Variants in SGCZ observed in about 807,000 individuals in gnomAD.
SGCZ encodes zeta-sarcoglycan.
A neutral mutation model predicts 41.3 loss-of-function variants in SGCZ; 40 were observed. That is an observed-to-expected ratio of 0.97 (90% CI 0.75 to 1.26). The LOEUF is 1.26. Ranked by LOEUF, SGCZ falls within the 50% of genes most tolerant of loss-of-function variation. The pLI, the probability that SGCZ is intolerant of heterozygous loss-of-function variation, is 0.00. For missense variants in SGCZ, 552 were observed against 369.8 expected (o/e 1.49, Z -4.04); for synonymous variants, 206 against 137.5 (o/e 1.50, Z -3.49).
At chr8:14,664,990 G>A (rs1219019756) in intron 1 of SGCZ, among the ~76,000 whole-genome samples, 2 of 152,104 alleles carry the variant, frequency 1.3e-5, no homozygotes, top group African/African-American at 2.4e-5. Flanking sequence ...TGAATTTTTA[G>A]GTGGGGGAAT....
At chr8:15,132,151 TAC>T (rs1254358867) in intron 1 of SGCZ, among the ~76,000 whole-genome samples, 7 of 152,192 alleles carry the variant, frequency 4.6e-5, no homozygotes, top group Admixed American at 3.3e-4. Context: ...ATTTTTTTCA[TAC>T]AGTTTCTTTC....
intron 1 of SGCZ, among the ~76,000 whole-genome samples, chr8:15,031,846 G>A (rs979734031): frequency 1.3e-5 from 2 of 151,312 alleles, no homozygotes; most frequent in Non-Finnish European, 2.9e-5. Flanking sequence ...CAGTCGGCCA[G>A]CGCTATTTTC....
At position 14,674,183 on chromosome 8, in the gene SGCZ, A is replaced by G. The variant is rs963976023; in HGVS notation, c.40-119257T>C. On this transcript the variant is annotated intron_variant, in intron 1 of 7. Coordinates refer to ENST00000382080, the MANE Select transcript of SGCZ (RefSeq NM_139167.4). ...TGTTAGCTTAGCTAATTTTTAAAAG[A>G]AAAGTAAGAATCCCTTTTTCTTGTT... is the stretch of plus-strand genomic sequence containing the variant. 4.6e-5 allele frequency among the ~76,000 whole-genome samples: 7 copies of G among 152,150 alleles called. No homozygotes were observed. In the East Asian group the frequency reaches 9.6e-4, roughly 21 times the overall value.
intron 1 of SGCZ, among the ~76,000 whole-genome samples, chr8:14,943,430 A>T (rs1364849942): frequency 6.6e-6 from 1 of 152,046 alleles, no homozygotes; most frequent in Non-Finnish European, 1.5e-5. Context: ...TAAAATGTTG[A>T]CTCTTTGGAT....
intron 2 of SGCZ, among the ~76,000 whole-genome samples, chr8:14,504,401 A>G (rs1802243981): frequency 6.6e-6 from 1 of 152,236 alleles, no homozygotes; most frequent in Admixed American, 6.5e-5. Flanking sequence ...ATAAAACCAC[A>G]GCATGATGGA....
intron 1 of SGCZ, among the ~76,000 whole-genome samples, chr8:15,022,195 C>T (rs1338242413): frequency 1.3e-5 from 2 of 152,054 alleles, no homozygotes; most frequent in Admixed American, 1.3e-4. Context: ...TTTATTTATA[C>T]TTTCATTTTG....
At chr8:14,287,502 G>T (rs1053310546) in intron 3 of SGCZ, among the ~76,000 whole-genome samples, 2 of 151,910 alleles carry the variant, frequency 1.3e-5, no homozygotes, top group African/African-American at 4.8e-5. Flanking sequence ...AATGAGTTTG[G>T]TCTCTAACTC....
At chr8:14,638,724 T>C (rs1400359686) in intron 1 of SGCZ, among the ~76,000 whole-genome samples, 2 of 151,820 alleles carry the variant, frequency 1.3e-5, no homozygotes, top group East Asian at 1.9e-4. Context: ...CCACCCATTG[T>C]AGAGAAGTGA....
At chr8:14,705,394 T>A (rs1809301743) in intron 1 of SGCZ, among the ~76,000 whole-genome samples, 2 of 152,024 alleles carry the variant, frequency 1.3e-5, no homozygotes, top group African/African-American at 4.8e-5. Flanking sequence ...TATGTGACTA[T>A]AATCAAATTA....
At chr8:14,614,893 A>T (rs1806046688) in intron 1 of SGCZ, among the ~76,000 whole-genome samples, 1 of 152,158 alleles carries the variant, frequency 6.6e-6, no homozygotes, top group Non-Finnish European at 1.5e-5. Flanking sequence ...TGACCCAAGC[A>T]TGACATGTTT....
chr8:14,257,497 T>A (rs113446940), intron 3 of SGCZ, among the ~76,000 whole-genome samples: 14 of 147,070 alleles, frequency 9.5e-5, no homozygotes, highest in Admixed American at 7.5e-4. Context: ...AATTTTTTTT[T>A]TATACTTTTA....
chr8:14,634,088 T>C (rs189522981), intron 1 of SGCZ, among the ~76,000 whole-genome samples: 2 of 151,958 alleles, frequency 1.3e-5, no homozygotes, highest in East Asian at 3.9e-4. Flanking sequence ...TATATAATTT[T>C]CAGTTTAAAG....
intron 1 of SGCZ, among the ~76,000 whole-genome samples, chr8:14,707,607 T>G (rs1809373867): frequency 6.6e-6 from 1 of 152,160 alleles, no homozygotes. Flanking sequence ...TCAGAATGAG[T>G]ACAACAAAGA....
intron 4 of SGCZ, among the ~76,000 whole-genome samples, chr8:14,196,489 T>G (rs528772912): frequency 6.6e-6 from 1 of 152,290 alleles, no homozygotes; most frequent in Admixed American, 6.5e-5. Context: ...GGTTATGTTT[T>G]AAATAAACAC....
intron 4 of SGCZ, among the ~76,000 whole-genome samples, chr8:14,181,979 T>C (rs186209650): frequency 2.0e-5 from 3 of 152,298 alleles, no homozygotes; most frequent in Admixed American, 1.3e-4. Flanking sequence ...ATTCTCAAAT[T>C]GGTTACATAC....
At position 14,436,240 on chromosome 8, in the gene SGCZ, G is replaced by T. The variant is rs552501537; in HGVS notation, c.235-112036C>A. 1.4e-3 allele frequency among the ~76,000 whole-genome samples: 218 copies of T among 152,286 alleles called. 1 individual carries two copies. The highest frequency in any genetic ancestry group is 4.8e-3 in the African/African-American group (200 of 41,558). On this transcript the variant is annotated intron_variant, in intron 2 of 7. Transcript: ENST00000382080. ...CACGGAACTCGTGGCACAGACCCTG[G>T]CGATGAGCCTCTTGAATCACAGAGC...
chr8:14,937,378 T>C (rs1563376223), intron 1 of SGCZ, among the ~76,000 whole-genome samples: 1 of 152,042 alleles, frequency 6.6e-6, no homozygotes, highest in African/African-American at 2.4e-5. Flanking sequence ...TTTTGAAGTT[T>C]TAATTATTTT....
At chr8:14,264,411 T>C (rs1799799019) in intron 3 of SGCZ, among the ~76,000 whole-genome samples, 1 of 152,114 alleles carries the variant, frequency 6.6e-6, no homozygotes, top group Non-Finnish European at 1.5e-5. Context: ...ATCTGGATCT[T>C]CCTCAGCCTC....
chr8:14,427,213 A>G (rs1799812449), intron 2 of SGCZ, among the ~76,000 whole-genome samples: 1 of 152,180 alleles, frequency 6.6e-6, no homozygotes, highest in South Asian at 2.1e-4. Flanking sequence ...AAAGAGGTTC[A>G]GGAAAAATAA....
Sources: allele counts gnomAD v4.1 joint callset (sites outside exome capture counted in the v4.1 genomes callset), GRCh38; gene constraint gnomAD v4.1.1; transcripts MANE v1.5; gene names NCBI Gene and HGNC (gene_info 2026-07-23, HGNC 2026-07-21).